VPS50: variants seen among roughly 807,000 people sequenced by gnomAD.
The protein encoded by VPS50 is VPS50 subunit of EARP/GARPII complex.
A neutral mutation model predicts 139.7 loss-of-function variants in VPS50; 70 were observed. The observed-to-expected ratio is 0.50, with a 90% CI of 0.41 to 0.61. The LOEUF (loss-of-function observed/expected upper bound fraction) is 0.61. Ranked by LOEUF, VPS50 falls within the 20% of genes least tolerant of loss-of-function variation. The pLI is 0.00. For missense variants in VPS50, 921 were observed against 1,133.7 expected, an observed-to-expected ratio of 0.81 and a Z score of 2.69; for synonymous variants, 365 against 376.7, an observed-to-expected ratio of 0.97 and a Z score of 0.36.
intron 21 of VPS50, among the ~76,000 whole-genome samples, chr7:93,324,891 A>G (rs1221423046): frequency 1.3e-5 from 2 of 152,214 alleles, no homozygotes; most frequent in African/African-American, 2.4e-5. Flanking sequence ...TATAGATTCA[A>G]TGCCATCCCC....
intron 24 of VPS50, among the ~76,000 whole-genome samples, chr7:93,349,039 T>A (rs1479234743): frequency 1.3e-5 from 2 of 152,144 alleles, no homozygotes; most frequent in Non-Finnish European, 2.9e-5. Context: ...ACTGTTAAAA[T>A]AAAGCATGAT....
intron 3 of VPS50, 116 bp downstream of exon 3, chr7:93,252,891 T>G (rs1449201526): frequency 1.5e-6 from 1 of 686,042 alleles, no homozygotes; most frequent in African/African-American, 1.9e-5. Flanking sequence ...AATAGGTCTG[T>G]GATTACCACA....
intron 2 of VPS50, among the ~76,000 whole-genome samples, chr7:93,247,479 T>C (rs1444520225): frequency 6.6e-6 from 1 of 151,986 alleles, no homozygotes; most frequent in African/African-American, 2.4e-5. Context: ...TTTATATTTG[T>C]AACCCTATTC....
chr7:93,350,805 G>T (rs1301241140), intron 25 of VPS50, among the ~76,000 whole-genome samples: 1 of 152,126 alleles, frequency 6.6e-6, no homozygotes, highest in Non-Finnish European at 1.5e-5. Flanking sequence ...CTGGAGATGA[G>T]GCCTGAGGGA....
Position 93,276,290 on chromosome 7 carries a change from T to C in VPS50, c.927T>C (p.Tyr309=), listed in dbSNP as rs1343587772. ...NTDTKFQKLQ[Y]KDLCTHVTPD... ...ACACAAAATTCCAAAAGCTGCAATA[T>C]AAGGATCTCTGTACAGTATGTAGTG... The change falls in exon 12 of 28, where the codon TAT becomes TAC. Residue 309 remains tyrosine (Y), a synonymous_variant. Transcript: ENST00000305866. The C allele has an allele frequency of 6.2e-7, 1 of 1,613,242 alleles. No homozygotes were observed. The highest frequency in any genetic ancestry group is 8.5e-7 in the Non-Finnish European group (1 of 1,179,356).
chr7:93,297,395 A>G, intron 16 of VPS50, 152 bp downstream of exon 16: 1 of 820,544 alleles, frequency 1.2e-6, no homozygotes, highest in Non-Finnish European at 1.7e-6. Flanking sequence ...GATTTTTTTA[A>G]CCAAAATATG....
intron 19 of VPS50, 59 bp downstream of exon 19, chr7:93,309,001 G>T (rs146965572): frequency 2.4e-5 from 21 of 883,116 alleles, no homozygotes; most frequent in Non-Finnish European, 3.6e-5. Context: ...TAACATATAG[G>T]ATTTCCTTTA....
chr7:93,335,123 C>T (rs557737359), intron 22 of VPS50, among the ~76,000 whole-genome samples: 7 of 152,262 alleles, frequency 4.6e-5, no homozygotes, highest in African/African-American at 1.7e-4. Context: ...CATCAGTGCA[C>T]AGAAGAGATA....
intron 12 of VPS50, among the ~76,000 whole-genome samples, chr7:93,283,074 G>A (rs939459563): frequency 3.3e-5 from 5 of 152,016 alleles, no homozygotes; most frequent in African/African-American, 1.2e-4. Context: ...AAAATTGTGA[G>A]GAGTCTGAAA....
At chr7:93,357,117 C>G (rs1798727754) in intron 27 of VPS50, among the ~76,000 whole-genome samples, 1 of 152,140 alleles carries the variant, frequency 6.6e-6, no homozygotes, top group South Asian at 2.1e-4. Context: ...AACCTAGATG[C>G]AGATAGACTG....
At chr7:93,328,705 G>A (rs73712843) in intron 21 of VPS50, among the ~76,000 whole-genome samples, 13,745 of 152,126 alleles carry the variant, frequency 0.09, 1,664 homozygotes, top group African/African-American at 0.27. Context: ...TGCGGCCCAC[G>A]GTGGGGAACA....
intron 1 of VPS50, 152 bp downstream of exon 1, chr7:93,232,652 A>T: frequency 1.5e-6 from 1 of 687,060 alleles, no homozygotes; most frequent in Non-Finnish European, 2.5e-6. Context: ...ACCCTAGAAA[A>T]CTCACCTGGG....
chr7:93,245,236 G>A (rs1467687548), intron 2 of VPS50, among the ~76,000 whole-genome samples: 1 of 151,662 alleles, frequency 6.6e-6, no homozygotes, highest in African/African-American at 2.4e-5. Flanking sequence ...TTGGGGACAA[G>A]GATACTGATT....
chr7:93,259,017 G>C (rs1372369784), intron 8 of VPS50, among the ~76,000 whole-genome samples: 1 of 151,660 alleles, frequency 6.6e-6, no homozygotes, highest in Admixed American at 6.6e-5. Context: ...TGCTAACTAG[G>C]GTTTCAGAAA....
At chr7:93,317,580 C>T (rs1797466889) in intron 20 of VPS50, among the ~76,000 whole-genome samples, 1 of 152,042 alleles carries the variant, frequency 6.6e-6, no homozygotes, top group South Asian at 2.1e-4. Flanking sequence ...AACAAAACAC[C>T]GATTGCTGTC....
At chr7:93,245,325 A>T (rs1301954574) in intron 2 of VPS50, among the ~76,000 whole-genome samples, 1 of 151,746 alleles carries the variant, frequency 6.6e-6, no homozygotes, top group African/African-American at 2.4e-5. Context: ...AGAATTTAAG[A>T]TTGATGATTT....
chr7:93,234,582 C>T (rs13245529), intron 1 of VPS50, among the ~76,000 whole-genome samples: 29,375 of 151,962 alleles, frequency 0.19, 2,942 homozygotes, highest in African/African-American at 0.24. Context: ...ATTAGTGTGC[C>T]TGCTATTTAC....
At chr7:93,325,501 G>C (rs1797742426) in intron 21 of VPS50, among the ~76,000 whole-genome samples, 1 of 151,648 alleles carries the variant, frequency 6.6e-6, no homozygotes, top group Non-Finnish European at 1.5e-5. Context: ...ACTACCATCA[G>C]AGTGAACAGG....
At position 93,271,204 on chromosome 7, in the gene VPS50, T is replaced by G. The variant is rs12112676; in HGVS notation, c.660-16T>G. 114,865 of 1,559,816 alleles carry G rather than the reference T, an allele frequency of 0.074. 3,517 individuals are homozygous for G. The highest frequency in any genetic ancestry group is 0.17 in the East Asian group (7,300 of 42,132). ...TCTCAGAAATAGAAAAAAACTGTTT[T>G]TTTTTTTTTTAATAGTGAACTGAAT... On this transcript the variant is annotated splice_polypyrimidine_tract_variant and intron_variant, in intron 9 of 27. Coordinates refer to ENST00000305866, the MANE Select transcript of VPS50 (RefSeq NM_017667.4).
Sources: gnomAD v4.1 joint callset for allele counts (sites outside exome capture counted in the v4.1 genomes callset) on GRCh38, gnomAD v4.1.1 for gene constraint, MANE v1.5 for transcripts, NCBI Gene and HGNC (gene_info 2026-07-23, HGNC 2026-07-21) for gene names.